FAM168B: variants seen among roughly 807,000 people sequenced by gnomAD.
FAM168B encodes myelin-associated neurite-outgrowth inhibitor.
FAM168B carries 19 observed loss-of-function variants against 21.8 expected under a neutral mutation model. The observed-to-expected ratio is 0.87, with a 90% CI of 0.61 to 1.28. FAM168B has a LOEUF of 1.28. Among genes scored for constraint, FAM168B ranks in the 50% most tolerant of loss-of-function variants. The probability of loss-of-function intolerance (pLI) is 0.00; values close to 1 mark genes in which losing one functional copy is unlikely to be tolerated. For missense variants in FAM168B, 233 were observed against 263.1 expected (o/e 0.89, Z 0.79); for synonymous variants, 126 against 104.8 (o/e 1.20, Z -1.24).
rs79968420 is a variant in FAM168B, at chr2:131,071,379, G to A, written c.154+476C>T. On this transcript the variant is annotated intron_variant, in intron 3 of 6. Coordinates refer to ENST00000389915, the MANE Select transcript of FAM168B (RefSeq NM_001009993.4). ...CCCACTAAATAACCAATCTCCTCAA[G>A]ATTCAGACCCAAACCAATTCCACTT... is the stretch of plus-strand genomic sequence containing the variant. 5.6e-3 allele frequency among the ~76,000 whole-genome samples: 850 copies of A among 152,260 alleles called. 5 individuals carry two copies. Among genetic ancestry groups the A allele is most frequent in the African/African-American group, 0.019 (779 of 41,552 alleles).
chr2:131,082,973 C>G (rs1693495010), intron 1 of FAM168B, among the ~76,000 whole-genome samples: 1 of 152,168 alleles, frequency 6.6e-6, no homozygotes, highest in Non-Finnish European at 1.5e-5. Context: ...GTAATCCCAG[C>G]ACTTTGGGAG....
rs1184101904 is a variant in FAM168B, at chr2:131,050,412, G to A, written c.*2053C>T. ...GGAACCGTTAGAACCTACTAATCCT[G>A]CCAACCATCCACTAAACAGATGGAA... is the stretch of plus-strand genomic sequence containing the variant. On this transcript the variant is annotated 3_prime_UTR_variant, in exon 7 of 7. Transcript: ENST00000389915. The A allele has an allele frequency of 1.0e-6, 1 of 985,662 alleles. No homozygotes were observed. The highest frequency in any genetic ancestry group is 1.2e-6 in the Non-Finnish European group (1 of 829,934). The allele number at this position is 985,662 out of a possible 1,614,324, so 61.1% of individuals were successfully genotyped here. A position where few individuals can be genotyped will look rare whatever the true frequency, so the allele number is the denominator to read the frequency against.
chr2:131,087,567 T>C (rs1207990724), intron 1 of FAM168B, among the ~76,000 whole-genome samples: 1 of 152,186 alleles, frequency 6.6e-6, no homozygotes, highest in Admixed American at 6.5e-5. Flanking sequence ...CAAGATGCAT[T>C]TTAAGAACAT....
intron 3 of FAM168B, among the ~76,000 whole-genome samples, chr2:131,063,737 C>G (rs1191207982): frequency 2.6e-5 from 4 of 152,156 alleles, no homozygotes. Context: ...TATGATTGTG[C>G]AACCACACTC....
chr2:131,063,816 C>G (rs1231213437), intron 3 of FAM168B, among the ~76,000 whole-genome samples: 1 of 151,980 alleles, frequency 6.6e-6, no homozygotes, highest in Non-Finnish European at 1.5e-5. Flanking sequence ...ATTTAAAACA[C>G]TAAGTAAAAA....
At chr2:131,082,949 G>A (rs568092483) in intron 1 of FAM168B, among the ~76,000 whole-genome samples, 2 of 152,264 alleles carry the variant, frequency 1.3e-5, no homozygotes, top group South Asian at 2.1e-4. Flanking sequence ...GGCCAGGTAC[G>A]GTGGTGCACT....
chr2:131,060,218 G>A (rs549219353), intron 3 of FAM168B, among the ~76,000 whole-genome samples: 1 of 152,260 alleles, frequency 6.6e-6, no homozygotes, highest in Admixed American at 6.5e-5. Context: ...TAGAGATGGG[G>A]TTTCACCATA....
chr2:131,078,584 A>G (rs1177019063), intron 2 of FAM168B, among the ~76,000 whole-genome samples: 1 of 152,248 alleles, frequency 6.6e-6, no homozygotes, highest in Non-Finnish European at 1.5e-5. Flanking sequence ...CAAGGTAAAT[A>G]CAAATAAAAT....
rs963543740 is a variant in FAM168B at position 131,050,785 on chromosome 2, C to A, written c.*1680G>T. On this transcript the variant is annotated 3_prime_UTR_variant, in exon 7 of 7. Transcript: ENST00000389915. ...CCTCACTGGGCGCCAGTGCCCTGACCCAGCTACCAGCAAATGAAGAGGAGC... is the reference window on the plus strand; with the variant it reads ...CCTCACTGGGCGCCAGTGCCCTGACACAGCTACCAGCAAATGAAGAGGAGC... The A allele has an allele frequency of 2.0e-5, 20 of 985,318 alleles. No individual in the cohort carries two copies. The African/African-American group carries it at 3.5e-4, about 17-fold the overall frequency. 61.0% of individuals were successfully genotyped at this position (985,318 alleles called of 1,614,324 possible). A position where few individuals can be genotyped will look rare whatever the true frequency, so the allele number is the denominator to read the frequency against.
At chr2:131,063,817 T>G (rs1333981124) in intron 3 of FAM168B, among the ~76,000 whole-genome samples, 1 of 151,896 alleles carries the variant, frequency 6.6e-6, no homozygotes, top group East Asian at 1.9e-4. Flanking sequence ...TTTAAAACAC[T>G]AAGTAAAAAA....
chr2:131,078,791 G>C (rs1304764938), intron 2 of FAM168B, among the ~76,000 whole-genome samples: 1 of 151,332 alleles, frequency 6.6e-6, no homozygotes, highest in Non-Finnish European at 1.5e-5. Flanking sequence ...GATCAGCCTG[G>C]GCAACACAGT....
Position 131,051,654 on chromosome 2 carries a change from T to G in FAM168B, c.*811A>C. The stretch of plus-strand genomic sequence containing the variant: ...AAAAACATCATCTCTCTAAGAGAAC[T>G]GTAATGAAAATTTAGATAGCAGAGA... On this transcript the variant is annotated 3_prime_UTR_variant, in exon 7 of 7. Transcript: ENST00000389915. 1 of 985,430 alleles carries G rather than the reference T, an allele frequency of 1.0e-6. No homozygotes were observed. Among genetic ancestry groups the G allele is most frequent in the Non-Finnish European group, 1.2e-6 (1 of 829,934 alleles). The allele number at this position is 985,430 out of a possible 1,614,324, so 61.0% of individuals were successfully genotyped here. A position where few individuals can be genotyped will look rare whatever the true frequency, so the allele number is the denominator to read the frequency against.
intron 3 of FAM168B, among the ~76,000 whole-genome samples, chr2:131,055,927 A>C (rs554614230): frequency 2.9e-4 from 44 of 152,340 alleles, no homozygotes; most frequent in Middle Eastern, 6.8e-3. Flanking sequence ...AAAAAATACC[A>C]AAAGAGAACG....
chr2:131,061,458 CG>C (rs1573764713), intron 3 of FAM168B, among the ~76,000 whole-genome samples: 1 of 151,778 alleles, frequency 6.6e-6, no homozygotes. Flanking sequence ...AAAGGGCCCA[CG>C]GATCACCACA....
Position 131,055,423 on chromosome 2 carries a change from C to T in FAM168B, c.324G>A (p.Leu108=), listed in dbSNP as rs1278874655. The part of the protein sequence containing the change: ...AQQGTYYTQP[L]YAAPPHVIHH... Reference sequence around the variant, plus strand: ...GGATGACGTGAGGAGGTGCTGCATACAGCGGCTGTGTGTAGTACGTGCCTT... The same window carrying T: ...GGATGACGTGAGGAGGTGCTGCATATAGCGGCTGTGTGTAGTACGTGCCTT... The change falls in exon 5 of 7, where the codon CTG becomes CTA. Residue 108 remains leucine, a synonymous_variant. Transcript: ENST00000389915. 10 of 1,609,584 alleles carry T rather than the reference C, an allele frequency of 6.2e-6. No individual in the cohort carries two copies. In the Admixed American group the frequency reaches 1.5e-4, roughly 25 times the overall value.
intron 2 of FAM168B, among the ~76,000 whole-genome samples, chr2:131,075,681 G>A (rs1425371831): frequency 6.6e-6 from 1 of 151,884 alleles, no homozygotes; most frequent in Non-Finnish European, 1.5e-5. Context: ...GTAGAGACAG[G>A]GTTTCACCAT....
intron 1 of FAM168B, among the ~76,000 whole-genome samples, chr2:131,092,582 T>C (rs777472035): frequency 1.3e-5 from 2 of 152,160 alleles, no homozygotes; most frequent in Non-Finnish European, 2.9e-5. Flanking sequence ...ACTTTAATGA[T>C]TAAACATTAA....
intron 3 of FAM168B, among the ~76,000 whole-genome samples, chr2:131,071,289 C>T (rs1053837230): frequency 3.9e-5 from 6 of 152,050 alleles, no homozygotes; most frequent in African/African-American, 1.4e-4. Context: ...AAGGCAAAGC[C>T]CCGTGTGGGT....
In FAM168B at chr2:131,049,619, C is replaced by T. The variant is rs1316660661; in HGVS notation, c.*2846G>A. ...GCAGCGGCTGAACACACTCCCCAAG[C>T]CTCAGGGGAGAAGGTGTAGAACAAA... On this transcript the variant is annotated 3_prime_UTR_variant, in exon 7 of 7. Transcript: ENST00000389915. 6 of 985,432 alleles carry T rather than the reference C, an allele frequency of 6.1e-6. No homozygotes were observed. Among genetic ancestry groups the T allele is most frequent in the Non-Finnish European group, 4.8e-6 (4 of 829,944 alleles). 61.0% of individuals were successfully genotyped at this position (985,432 alleles called of 1,614,324 possible). A position where few individuals can be genotyped will look rare whatever the true frequency, so the allele number is the denominator to read the frequency against.
Sources: allele counts gnomAD v4.1 joint callset (sites outside exome capture counted in the v4.1 genomes callset), GRCh38; gene constraint gnomAD v4.1.1; transcripts MANE v1.5; gene names NCBI Gene and HGNC (gene_info 2026-07-23, HGNC 2026-07-21).